The following INPP5A variants were observed in gnomAD, a reference collection of about 807,000 sequenced individuals.
INPP5A encodes the protein 43 kDa inositol polyphosphate 5-phophatase.
In INPP5A, 14 loss-of-function variants were observed where a neutral mutation model predicts 65.2. That is an observed-to-expected ratio of 0.21 (90% confidence interval 0.14 to 0.34). The LOEUF (loss-of-function observed/expected upper bound fraction) is 0.34, where lower values mean the gene tolerates loss of function less well. INPP5A is among the 10% of genes least tolerant of loss of function. The pLI, the probability that INPP5A is intolerant of heterozygous loss-of-function variation, is 1.00. For missense variants in INPP5A, 431 were observed against 545.6 expected, an observed-to-expected ratio of 0.79 and a Z score of 2.09; for synonymous variants, 207 against 208.3, an observed-to-expected ratio of 0.99 and a Z score of 0.05.
chr10:132,665,291 A>G (rs922841895), intron 4 of INPP5A, among the ~76,000 whole-genome samples: 4 of 152,244 alleles, frequency 2.6e-5, no homozygotes. Context: ...AACACAGGAA[A>G]GCCCCCTCTT....
chr10:132,766,100 G>T (rs139013445), intron 12 of INPP5A, among the ~76,000 whole-genome samples: 206 of 151,866 alleles, frequency 1.4e-3, no homozygotes, highest in African/African-American at 4.7e-3. Context: ...GTGTGTGCAC[G>T]AGTGCATCTG....
intron 4 of INPP5A, among the ~76,000 whole-genome samples, chr10:132,686,130 G>C (rs2073110826): frequency 6.6e-6 from 1 of 152,178 alleles, no homozygotes; most frequent in Non-Finnish European, 1.5e-5. Flanking sequence ...GCCCCAGCCA[G>C]GGCCCAGGTT....
chr10:132,759,786 C>G (rs918141318), intron 11 of INPP5A, among the ~76,000 whole-genome samples: 3 of 152,122 alleles, frequency 2.0e-5, no homozygotes, highest in African/African-American at 7.2e-5. Flanking sequence ...CATGCCCACG[C>G]CAGCCCATGG....
chr10:132,660,618 C>G (rs1272144316), intron 4 of INPP5A, among the ~76,000 whole-genome samples: 1 of 150,550 alleles, frequency 6.6e-6, no homozygotes, highest in African/African-American at 2.5e-5. Context: ...AGCAGAGGCT[C>G]TGGTGTCTGA....
chr10:132,565,727 G>A lies in INPP5A; in HGVS notation c.75+27556G>A, dbSNP rs563938400. ...TGAATGTGTGCCTGAGTTTGTGTGT[G>A]TGTGTGTGTGTGTGCGCCGTTGTGT... On this transcript the variant is annotated intron_variant, in intron 1 of 15. Coordinates refer to ENST00000368594, the MANE Select transcript of INPP5A (RefSeq NM_005539.5). Among the ~76,000 whole-genome samples the A allele has an allele frequency of 2.0e-5, 3 of 152,084 alleles. No homozygotes were observed. The South Asian group carries it at 6.2e-4, about 32-fold the overall frequency.
At position 132,729,943 on chromosome 10, in the gene INPP5A, G is replaced by A. The variant is rs561212879; in HGVS notation, c.732+3038G>A. Among the ~76,000 whole-genome samples, 8 of 152,320 alleles carry A rather than the reference G, an allele frequency of 5.3e-5. No homozygotes were observed. In the South Asian group the frequency reaches 1.2e-3, roughly 24 times the overall value. On this transcript the variant is annotated intron_variant, in intron 9 of 15. Coordinates refer to ENST00000368594, the MANE Select transcript of INPP5A (RefSeq NM_005539.5). ...GCAACCTCCAGGCAGCTGCTCGAGC[G>A]GCTGGTGGAGCACTCCAGGGCGAGT... is the stretch of plus-strand genomic sequence containing the variant.
At chr10:132,725,219 G>A (rs12416502) in intron 8 of INPP5A, among the ~76,000 whole-genome samples, 1,786 of 152,354 alleles carry the variant, frequency 0.012, 116 homozygotes, top group Admixed American at 0.1. Flanking sequence ...AGTTAAGATG[G>A]AAATGAACTC....
chr10:132,625,935 A>G (rs2072178319), intron 2 of INPP5A, among the ~76,000 whole-genome samples: 1 of 152,110 alleles, frequency 6.6e-6, no homozygotes, highest in South Asian at 2.1e-4. Context: ...ACAGTAAAAT[A>G]TATTGATCTT....
chr10:132,762,137 G>A lies in INPP5A; in HGVS notation c.904-3636G>A, dbSNP rs969784142. Reference sequence around the variant, plus strand: ...TGGCAGGATGGGACAGGAGGGTCGGGGCTGGGAGAGGAGGGAAGAGCCCAG... The same window carrying A: ...TGGCAGGATGGGACAGGAGGGTCGGAGCTGGGAGAGGAGGGAAGAGCCCAG... On this transcript the variant is annotated intron_variant, in intron 11 of 15. Coordinates refer to ENST00000368594, the MANE Select transcript of INPP5A (RefSeq NM_005539.5). This position sits in a 1 kb window ranked among gnomAD's most constrained non-coding sequence, Gnocchi z 4.6. Among the ~76,000 whole-genome samples, 3 of 152,210 alleles carry A rather than the reference G, an allele frequency of 2.0e-5. No individual in the cohort carries two copies. The highest frequency in any genetic ancestry group is 7.2e-5 in the African/African-American group (3 of 41,450).
Position 132,627,574 on chromosome 10 carries a change from C to T in INPP5A, c.118-18294C>T, listed in dbSNP as rs762038979. ...CCTCTGTGTCCCCAGCTGCCAGCAA[C>T]GTGCAGCGGATGACAAGTGAAATGA... On this transcript the variant is annotated intron_variant, in intron 2 of 15. Transcript: ENST00000368594. The surrounding 1 kb of genome is among the most constrained non-coding windows in gnomAD (Gnocchi z 6.6). 2.3e-4 allele frequency among the ~76,000 whole-genome samples: 35 copies of T among 152,178 alleles called. No individual in the cohort carries two copies. Among genetic ancestry groups the T allele is most frequent in the Non-Finnish European group, 4.7e-4 (32 of 68,034 alleles).
At chr10:132,719,617 G>C in intron 8 of INPP5A, among the ~76,000 whole-genome samples, 1 of 131,842 alleles carries the variant, frequency 7.6e-6, no homozygotes, top group South Asian at 2.5e-4. Context: ...TTCTGGAGGC[G>C]CCTTAGACAG....
intron 3 of INPP5A, among the ~76,000 whole-genome samples, chr10:132,649,105 G>A (rs1435849892): frequency 6.6e-6 from 1 of 152,170 alleles, no homozygotes; most frequent in Non-Finnish European, 1.5e-5. Flanking sequence ...GATCGCCTCT[G>A]TTGCTGTATT....
At position 132,751,556 on chromosome 10, in the gene INPP5A, C is replaced by T. The variant is rs570241194; in HGVS notation, c.903+1711C>T. Reference sequence around the variant, plus strand: ...TACAGGACACTCCCGGGTGGCGCATCCCGGCCTCGTCAGTGGGGAGCAGGG... The same window carrying T: ...TACAGGACACTCCCGGGTGGCGCATTCCGGCCTCGTCAGTGGGGAGCAGGG... On this transcript the variant is annotated intron_variant, in intron 11 of 15. Transcript: ENST00000368594. 1.4e-4 allele frequency among the ~76,000 whole-genome samples: 22 copies of T among 152,360 alleles called. No homozygotes were observed. In the East Asian group the frequency reaches 3.9e-3, roughly 27 times the overall value.
At chr10:132,607,735 A>G (rs1423192987) in intron 1 of INPP5A, among the ~76,000 whole-genome samples, 180 bp from the exon 2 acceptor site, 1 of 152,266 alleles carries the variant, frequency 6.6e-6, no homozygotes, top group East Asian at 1.9e-4. Context: ...GCCCCCACAC[A>G]GAGCGGGGTC....
intron 8 of INPP5A, among the ~76,000 whole-genome samples, chr10:132,714,636 T>G (rs1036955511): frequency 4.6e-5 from 7 of 152,152 alleles, no homozygotes; most frequent in African/African-American, 1.7e-4. Flanking sequence ...TGGAGGAGGA[T>G]GCAGGCCAGG....
intron 2 of INPP5A, among the ~76,000 whole-genome samples, chr10:132,630,628 A>C (rs770920247): frequency 2.8e-4 from 41 of 148,952 alleles, no homozygotes; most frequent in Non-Finnish European, 4.9e-4. Flanking sequence ...CATGAGGGGA[A>C]GACATCCATG....
intron 11 of INPP5A, among the ~76,000 whole-genome samples, chr10:132,755,922 GTT>G (rs1846599745): frequency 6.6e-6 from 1 of 152,144 alleles, no homozygotes; most frequent in African/African-American, 2.4e-5. Flanking sequence ...AGACACAAAC[GTT>G]TGGCACATGT....
intron 4 of INPP5A, among the ~76,000 whole-genome samples, chr10:132,666,131 T>C (rs1239482216): frequency 1.3e-5 from 2 of 151,606 alleles, no homozygotes; most frequent in Non-Finnish European, 1.5e-5. Context: ...TGAGTCACTG[T>C]GTGCCTGGCC....
rs1188301355 is a variant in INPP5A, at chr10:132,783,479, T to C, written c.*1450T>C. 6.6e-6 allele frequency: 1 copy of C among 152,448 alleles called. No homozygotes were observed. Among genetic ancestry groups the C allele is most frequent in the African/African-American group, 2.4e-5 (1 of 41,434 alleles). The allele number at this position is 152,448 out of a possible 1,614,324, so 9.4% of individuals were successfully genotyped here. On this transcript the variant is annotated 3_prime_UTR_variant, in exon 16 of 16. Coordinates refer to ENST00000368594, the MANE Select transcript of INPP5A (RefSeq NM_005539.5). ...GCAATAAAATTGACCGTGGTGAAAA[T>C]AGTCCCGTGTTGCTTTTTCTTCCTT...
Sources: allele counts gnomAD v4.1 joint callset (sites outside exome capture counted in the v4.1 genomes callset), GRCh38; gene constraint gnomAD v4.1.1; non-coding constraint Gnocchi (gnomAD v3.1); transcripts MANE v1.5; gene names NCBI Gene and HGNC (gene_info 2026-07-23, HGNC 2026-07-21).